The following SAMD4A variants were observed in gnomAD, a reference collection of about 807,000 sequenced individuals.
SAMD4A encodes the protein sterile alpha motif domain containing 4A.
In SAMD4A, 33 loss-of-function variants were observed where a neutral mutation model predicts 81.3. The ratio of observed to expected loss-of-function variants is 0.41; its 90% CI spans 0.31 to 0.54. SAMD4A has a LOEUF of 0.54. SAMD4A is among the 20% of genes least tolerant of loss of function. The pLI is 0.37. For synonymous variants in SAMD4A, 389 were observed against 382.1 expected, an observed-to-expected ratio of 1.02 and a Z score of -0.21; for missense variants, 854 against 951.1, an observed-to-expected ratio of 0.90 and a Z score of 1.34.
In SAMD4A at chr14:54,789,511, A is replaced by C. The variant is rs1160511991; in HGVS notation, c.*567A>C. 2 of 153,492 alleles carry C rather than the reference A, an allele frequency of 1.3e-5. No individual in the cohort carries two copies. The highest frequency in any genetic ancestry group is 1.3e-4 in the Admixed American group (2 of 15,504). The allele number at this position is 153,492 out of a possible 1,614,324, so 9.5% of individuals were successfully genotyped here. On this transcript the variant is annotated 3_prime_UTR_variant, in exon 13 of 13. Coordinates refer to ENST00000554335, the MANE Select transcript of SAMD4A (RefSeq NM_015589.6). ...ATGGCAGTAGGGGAAAGAAGGAAGA[A>C]ATTCCCTGCAACAAAACTTCAGCTA...
At chr14:54,690,300 G>GGA (rs2036399134) in intron 2 of SAMD4A, among the ~76,000 whole-genome samples, 2 of 152,138 alleles carry the variant, frequency 1.3e-5, no homozygotes, top group African/African-American at 4.8e-5. Flanking sequence ...AGCAGGAGGG[G>GGA]GAGGGTTCAG....
chr14:54,754,153 G>A (rs555883834), intron 6 of SAMD4A, among the ~76,000 whole-genome samples: 13 of 152,314 alleles, frequency 8.5e-5, no homozygotes, highest in African/African-American at 3.1e-4. Flanking sequence ...TCAGCATGGG[G>A]AACACTCTGG....
At chr14:54,590,809 A>G (rs2033754352) in intron 2 of SAMD4A, among the ~76,000 whole-genome samples, 1 of 152,236 alleles carries the variant, frequency 6.6e-6, no homozygotes, top group Admixed American at 6.5e-5. Flanking sequence ...GAAGTAGCCA[A>G]AGGCCACCTT....
intron 2 of SAMD4A, among the ~76,000 whole-genome samples, chr14:54,669,778 TTGTC>T (rs1417275832): frequency 2.0e-5 from 3 of 152,198 alleles, no homozygotes; most frequent in African/African-American, 7.2e-5. Flanking sequence ...TTAAAGAAAG[TTGTC>T]TGTCGCTTAG....
chr14:54,724,073 A>G (rs539298358), intron 3 of SAMD4A, among the ~76,000 whole-genome samples: 41 of 137,452 alleles, frequency 3.0e-4, no homozygotes, highest in African/African-American at 1.0e-3. Flanking sequence ...GCATCTATTC[A>G]TAGGACCCCC....
At chr14:54,568,279 C>T (rs2033009675) in intron 2 of SAMD4A, among the ~76,000 whole-genome samples, 167 bp downstream of exon 2, 1 of 151,762 alleles carries the variant, frequency 6.6e-6, no homozygotes, top group Non-Finnish European at 1.5e-5. Flanking sequence ...TGTCCCCCCA[C>T]TACCGCCCCC....
At chr14:54,786,603 G>T (rs927134664) in intron 12 of SAMD4A, among the ~76,000 whole-genome samples, 1 of 152,202 alleles carries the variant, frequency 6.6e-6, no homozygotes, top group Non-Finnish European at 1.5e-5. Context: ...CCAGCTGGGT[G>T]GGGGACTGAC....
chr14:54,601,914 G>T (rs1462841589), intron 2 of SAMD4A, among the ~76,000 whole-genome samples: 1 of 152,188 alleles, frequency 6.6e-6, no homozygotes, highest in Non-Finnish European at 1.5e-5. Flanking sequence ...AGACTTTGGG[G>T]TGAGTTGATG....
In SAMD4A at chr14:54,792,008, C is replaced by G. The variant is rs2039266802; in HGVS notation, c.*3064C>G. On this transcript the variant is annotated 3_prime_UTR_variant, in exon 13 of 13. Transcript: ENST00000554335. Reference sequence around the variant, plus strand: ...TGTGTACTTGGCATCTCTACATTGTCCTAGGGACAGTGGTGTTCTACAATA... The same window carrying G: ...TGTGTACTTGGCATCTCTACATTGTGCTAGGGACAGTGGTGTTCTACAATA... The G allele has an allele frequency of 6.6e-6, 1 of 152,124 alleles. No homozygotes were observed. The highest frequency in any genetic ancestry group is 2.4e-5 in the African/African-American group (1 of 41,410). 9.4% of individuals were successfully genotyped at this position (152,124 alleles called of 1,614,324 possible).
Position 54,702,071 on chromosome 14 carries a change from A to G in SAMD4A, c.206A>G (p.Asn69Ser), listed in dbSNP as rs762948523. Reference protein sequence around the residue: ...EREANSPGIINQWQQESKDKV... With the variant: ...EREANSPGIISQWQQESKDKV... Reference sequence around the variant, plus strand: ...ATATTTCCCTTTTCAGGAATCATTAACCAATGGCAACAGGAATCCAAGGAT... The same window carrying G: ...ATATTTCCCTTTTCAGGAATCATTAGCCAATGGCAACAGGAATCCAAGGAT... Residue 69 changes from asparagine to serine, a missense_variant, in exon 3 of 13, where the codon AAC (asparagine) becomes AGC (serine). Asn to Ser is a conservative substitution (Grantham distance 46). Around this residue, in one of 3 missense-constraint regions of SAMD4A, gnomAD observed 387 missense variants for 405.8 expected, o/e 0.95. Coordinates refer to ENST00000554335, the MANE Select transcript of SAMD4A (RefSeq NM_015589.6). 8 of 1,613,886 alleles carry G rather than the reference A, an allele frequency of 5.0e-6. No homozygotes were observed. The highest frequency in any genetic ancestry group is 6.8e-6 in the Non-Finnish European group (8 of 1,179,804).
At chr14:54,756,932 C>T (rs1348369452) in intron 6 of SAMD4A, among the ~76,000 whole-genome samples, 1 of 152,216 alleles carries the variant, frequency 6.6e-6, no homozygotes, top group African/African-American at 2.4e-5. Flanking sequence ...CAAAGGAGCT[C>T]CTCAGCTTTG....
intron 2 of SAMD4A, among the ~76,000 whole-genome samples, chr14:54,582,217 G>T (rs1254668011): frequency 6.6e-6 from 1 of 151,838 alleles, no homozygotes; most frequent in Admixed American, 6.6e-5. Context: ...TTTTAGATAG[G>T]AATAATTTGG....
At chr14:54,748,148 G>T (rs1490858293) in intron 4 of SAMD4A, among the ~76,000 whole-genome samples, 1 of 152,196 alleles carries the variant, frequency 6.6e-6, no homozygotes, top group Non-Finnish European at 1.5e-5. Context: ...ATAGCTTGGA[G>T]AAATGGTCAG....
At chr14:54,585,070 G>A (rs1419469924) in intron 2 of SAMD4A, among the ~76,000 whole-genome samples, 4 of 152,010 alleles carry the variant, frequency 2.6e-5, no homozygotes, top group Non-Finnish European at 4.4e-5. Context: ...ACAAAATTAG[G>A]TCCATTTGAC....
At chr14:54,606,178 C>T (rs917385418) in intron 2 of SAMD4A, among the ~76,000 whole-genome samples, 2 of 121,372 alleles carry the variant, frequency 1.6e-5, no homozygotes, top group East Asian at 5.6e-4. Context: ...TGTCTTACTT[C>T]TGGGCTGTGT....
chr14:54,664,917 T>C (rs1566573524), intron 2 of SAMD4A, among the ~76,000 whole-genome samples: 1 of 151,806 alleles, frequency 6.6e-6, no homozygotes, highest in African/African-American at 2.4e-5. Context: ...AGGAAAACAC[T>C]TATTTCTCCT....
chr14:54,678,677 T>C (rs912602337), intron 2 of SAMD4A, among the ~76,000 whole-genome samples: 1 of 151,448 alleles, frequency 6.6e-6, no homozygotes, highest in East Asian at 1.9e-4. Context: ...GCCTCCTGAG[T>C]AGCTGGGACT....
At chr14:54,633,323 A>G (rs2034948660) in intron 2 of SAMD4A, among the ~76,000 whole-genome samples, 1 of 152,168 alleles carries the variant, frequency 6.6e-6, no homozygotes, top group Non-Finnish European at 1.5e-5. Context: ...AAGGACTGGA[A>G]AGCAGGCCAG....
intron 2 of SAMD4A, among the ~76,000 whole-genome samples, chr14:54,631,714 C>T (rs1407632607): frequency 1.3e-5 from 2 of 152,158 alleles, no homozygotes; most frequent in Non-Finnish European, 2.9e-5. Flanking sequence ...ATCTCTCCTG[C>T]TTTTTAAGGC....
Sources: gnomAD v4.1 joint callset for allele counts (sites outside exome capture counted in the v4.1 genomes callset) on GRCh38, gnomAD v4.1.1 for gene constraint, gnomAD v4.1.1 regional missense constraint, MANE v1.5 for transcripts, NCBI Gene and HGNC (gene_info 2026-07-23, HGNC 2026-07-21) for gene names.